PLEKHA6: variants seen among roughly 807,000 people sequenced by gnomAD.
PLEKHA6 encodes the protein pleckstrin homology domain-containing family A member 6.
A neutral mutation model predicts 116.7 loss-of-function variants in PLEKHA6; 60 were observed. That is an observed-to-expected ratio of 0.51 (90% CI 0.42 to 0.64). PLEKHA6 has a LOEUF of 0.64. Among genes scored for constraint, PLEKHA6 ranks in the 30% least tolerant of loss-of-function variants. The probability of loss-of-function intolerance (pLI) is 0.00; values close to 1 mark genes in which losing one functional copy is unlikely to be tolerated. For synonymous variants in PLEKHA6, 489 were observed against 556.1 expected (o/e 0.88, Z 1.70); for missense variants, 1,338 against 1,422.7 (o/e 0.94, Z 0.96).
upstream of PLEKHA6, among the ~76,000 whole-genome samples, chr1:204,361,822 G>A (rs542492972): frequency 4.6e-5 from 7 of 152,228 alleles, no homozygotes; most frequent in South Asian, 2.1e-4. Context: ...CTGACCCTGC[G>A]GAGCCAGTGG....
At chr1:204,335,520 C>T (rs761304870) in intron 1 of PLEKHA6, among the ~76,000 whole-genome samples, 1 of 152,016 alleles carries the variant, frequency 6.6e-6, no homozygotes, top group South Asian at 2.1e-4. Context: ...ATCTTTACGC[C>T]GCAGTGGCCG....
At position 204,289,537 on chromosome 1, in the gene PLEKHA6, C is replaced by T. The variant is rs59020015; in HGVS notation, c.-94-14728G>A. Among the ~76,000 whole-genome samples the T allele has an allele frequency of 5.6e-4, 86 of 152,322 alleles. 2 individuals are homozygous for T. Among genetic ancestry groups the T allele is most frequent in the African/African-American group, 1.9e-3 (80 of 41,558 alleles). Reference sequence around the variant, plus strand: ...CCTGGGCTGCCTTCCTAGCAGCCCGCGGGGTGGCTGGCTGGCCGGGTTCCT... The same window carrying T: ...CCTGGGCTGCCTTCCTAGCAGCCCGTGGGGTGGCTGGCTGGCCGGGTTCCT... On this transcript the variant is annotated intron_variant, in intron 1 of 22. Coordinates refer to ENST00000272203, the MANE Select transcript of PLEKHA6 (RefSeq NM_014935.5).
rs1356896789 is a variant in PLEKHA6, at chr1:204,372,300, G to A, written c.84-694C>T. On this transcript the variant is annotated intron_variant, in intron 1 of 4. Coordinates refer to the PLEKHA6 transcript ENST00000564627. ...AACTCTTTCTGATACCTCACACCCAGCAAGGCAGGCTCCCCAGCAACACAG... is the reference window on the plus strand; with the variant it reads ...AACTCTTTCTGATACCTCACACCCAACAAGGCAGGCTCCCCAGCAACACAG... 2.6e-5 allele frequency among the ~76,000 whole-genome samples: 4 copies of A among 152,282 alleles called. No individual in the cohort carries two copies. The East Asian group carries it at 7.7e-4, about 29-fold the overall frequency.
intron 1 of PLEKHA6, among the ~76,000 whole-genome samples, chr1:204,296,731 C>A (rs1373588814): frequency 6.6e-6 from 1 of 152,220 alleles, no homozygotes; most frequent in South Asian, 2.1e-4. Context: ...GAGACACCCC[C>A]ACCTCACTGG....
chr1:204,249,926 C>T (rs1479319980), intron 10 of PLEKHA6, among the ~76,000 whole-genome samples: 1 of 152,218 alleles, frequency 6.6e-6, no homozygotes, highest in Non-Finnish European at 1.5e-5. Flanking sequence ...CTCCTTTCCA[C>T]TGAGCCAGAT....
chr1:204,373,362 C>T (rs1046625819), intron 1 of PLEKHA6, among the ~76,000 whole-genome samples: 3 of 151,640 alleles, frequency 2.0e-5, no homozygotes, highest in East Asian at 3.9e-4. Flanking sequence ...GGATTACAGG[C>T]GTGAGCCACT....
chr1:204,307,972 A>C, intron 1 of PLEKHA6: 1 of 827,432 alleles, frequency 1.2e-6, no homozygotes, highest in African/African-American at 1.9e-5. Context: ...ATATTCTCCT[A>C]AGGATCCGAT....
In PLEKHA6 at chr1:204,257,714, G is replaced by A. The variant is rs764508901; in HGVS notation, c.1163C>T (p.Ala388Val). Reference protein sequence around the residue: ...PAYDRISPPWALEDKRHAFRN... With the variant: ...PAYDRISPPWVLEDKRHAFRN... ...GAAGGCATGGCGCTTGTCCTCCAGGGCCCAGGGCGGGCTGATCCGATCATA... is the reference window on the plus strand; with the variant it reads ...GAAGGCATGGCGCTTGTCCTCCAGGACCCAGGGCGGGCTGATCCGATCATA... The change falls in exon 9 of 23, where the codon GCC becomes GTC. Residue 388 changes from alanine to valine, a missense_variant. This residue lies in a region of PLEKHA6 where 1,136 missense variants were observed against 1,163.6 expected (regional missense o/e 0.98). Transcript: ENST00000272203. This position sits in a 1 kb window ranked among gnomAD's most constrained non-coding sequence, Gnocchi z 6.5. 4 of 1,612,644 alleles carry A rather than the reference G, an allele frequency of 2.5e-6. No homozygotes were observed. Among genetic ancestry groups the A allele is most frequent in the African/African-American group, 2.7e-5 (2 of 74,916 alleles).
chr1:204,356,774 A>G (rs1009690826), intron 1 of PLEKHA6, among the ~76,000 whole-genome samples: 7 of 152,152 alleles, frequency 4.6e-5, no homozygotes, highest in African/African-American at 1.2e-4. Flanking sequence ...TATCAAACCT[A>G]TGGGTAATTC....
chr1:204,370,752 T>C (rs1178071442), intron 2 of PLEKHA6, among the ~76,000 whole-genome samples: 1 of 152,024 alleles, frequency 6.6e-6, no homozygotes, highest in Non-Finnish European at 1.5e-5. Flanking sequence ...TACATTTGAA[T>C]TAATTAGGAT....
chr1:204,264,694 G>A (rs1057259518), intron 6 of PLEKHA6, among the ~76,000 whole-genome samples: 4 of 152,134 alleles, frequency 2.6e-5, no homozygotes, highest in Non-Finnish European at 5.9e-5. Flanking sequence ...CCACTCTTAG[G>A]AGAATTGCCC....
At chr1:204,280,273 C>T (rs1174804022) in intron 1 of PLEKHA6, 2 of 982,498 alleles carry the variant, frequency 2.0e-6, no homozygotes, top group East Asian at 1.1e-4. Flanking sequence ...CCTCCACGTG[C>T]AGTATACCTG....
chr1:204,229,922 C>G (rs11240703), intron 18 of PLEKHA6, among the ~76,000 whole-genome samples: 2,600 of 152,270 alleles, frequency 0.017, 68 homozygotes, highest in African/African-American at 0.058. Flanking sequence ...GACTTTGTTT[C>G]CCCATCTGCA....
chr1:204,241,491 G>A lies in PLEKHA6; in HGVS notation c.2303-10C>T, dbSNP rs1662808352. On this transcript the variant is annotated splice_polypyrimidine_tract_variant and intron_variant, in intron 16 of 22. Transcript: ENST00000272203. ...GGGGGCACAACGCCAACTGCAGAAA[G>A]ACAGAGTAGCCAGTGGGCCTCATGG... The A allele has an allele frequency of 6.3e-7, 1 of 1,575,756 alleles. No homozygotes were observed. The highest frequency in any genetic ancestry group is 2.3e-5 in the East Asian group (1 of 44,302).
chr1:204,245,853 C>T (rs1571853511), intron 13 of PLEKHA6, 127 bp from the exon 14 acceptor site: 2 of 70,884 alleles, frequency 2.8e-5, no homozygotes, highest in Non-Finnish European at 4.8e-5. Context: ...TGTGTACACA[C>T]ACACACACAC....
In PLEKHA6 at chr1:204,343,898, C is replaced by T. The variant is rs560025287; in HGVS notation, c.-95+15796G>A. 5.3e-5 allele frequency among the ~76,000 whole-genome samples: 8 copies of T among 152,274 alleles called. No individual in the cohort carries two copies. The South Asian group carries it at 6.2e-4, about 12-fold the overall frequency. Reference sequence around the variant, plus strand: ...CATCTGGAAAAATAGACTCTGACACCAGGAGCACAGCGTCTATAATGAGCT... The same window carrying T: ...CATCTGGAAAAATAGACTCTGACACTAGGAGCACAGCGTCTATAATGAGCT... On this transcript the variant is annotated intron_variant, in intron 1 of 22. Coordinates refer to ENST00000272203, the MANE Select transcript of PLEKHA6 (RefSeq NM_014935.5).
At chr1:204,263,037 C>T (rs185555214) in intron 6 of PLEKHA6, among the ~76,000 whole-genome samples, 1 of 152,198 alleles carries the variant, frequency 6.6e-6, no homozygotes, top group Non-Finnish European at 1.5e-5. Context: ...CAGGGAGCAG[C>T]CTGTGTGTGC....
At chr1:204,279,575 T>A (rs994160959) in intron 1 of PLEKHA6, among the ~76,000 whole-genome samples, 25 of 152,330 alleles carry the variant, frequency 1.6e-4, no homozygotes, top group African/African-American at 5.8e-4. Context: ...CATACCCAAA[T>A]GGACCTTTCA....
chr1:204,259,849 G>T lies in PLEKHA6; in HGVS notation c.525-109C>A. 1 of 1,206,040 alleles carries T rather than the reference G, an allele frequency of 8.3e-7. No individual in the cohort carries two copies. The highest frequency in any genetic ancestry group is 1.1e-6 in the Non-Finnish European group (1 of 878,186). 74.7% of individuals were successfully genotyped at this position (1,206,040 alleles called of 1,614,324 possible). A position where few individuals can be genotyped will look rare whatever the true frequency, so the allele number is the denominator to read the frequency against. ...AGTGGGGAAGGATGGGCAGGGAGGTGGCTGGAACCAGGATTCTATGAACTC... is the reference window on the plus strand; with the variant it reads ...AGTGGGGAAGGATGGGCAGGGAGGTTGCTGGAACCAGGATTCTATGAACTC... On this transcript the variant is annotated intron_variant, in intron 7 of 22. Coordinates refer to ENST00000272203, the MANE Select transcript of PLEKHA6 (RefSeq NM_014935.5). This position sits in a 1 kb window ranked among gnomAD's most constrained non-coding sequence, Gnocchi z 4.6.
Sources: gnomAD v4.1 joint callset for allele counts (sites outside exome capture counted in the v4.1 genomes callset) on GRCh38, gnomAD v4.1.1 for gene constraint, gnomAD v4.1.1 regional missense constraint, Gnocchi (gnomAD v3.1) non-coding constraint, MANE v1.5 for transcripts, NCBI Gene and HGNC (gene_info 2026-07-23, HGNC 2026-07-21) for gene names.